FOXP1: variants seen among roughly 807,000 people sequenced by gnomAD.
FOXP1 encodes the protein forkhead box protein P1.
FOXP1 carries 15 observed loss-of-function variants against 98.2 expected under a neutral mutation model. That is an observed-to-expected ratio of 0.15 (90% CI 0.10 to 0.24). The LOEUF (loss-of-function observed/expected upper bound fraction) is 0.24. FOXP1 is among the 10% of genes least tolerant of loss of function. The pLI is 1.00. For missense variants in FOXP1, 633 were observed against 848.5 expected, an observed-to-expected ratio of 0.75 and a Z score of 3.15; for synonymous variants, 371 against 314.5, an observed-to-expected ratio of 1.18 and a Z score of -1.90.
chr3:71,201,170 A>G (rs2063649058), intron 5 of FOXP1, among the ~76,000 whole-genome samples: 1 of 152,252 alleles, frequency 6.6e-6, no homozygotes, highest in African/African-American at 2.4e-5. Context: ...CTGTCCACAG[A>G]GTAAAGCGTC....
chr3:71,394,660 A>G (rs2081253406), intron 3 of FOXP1, among the ~76,000 whole-genome samples: 1 of 152,188 alleles, frequency 6.6e-6, no homozygotes, highest in African/African-American at 2.4e-5. Context: ...CCATTTCATC[A>G]TTATACCGAC....
At chr3:71,537,170 C>T (rs1227554988) in intron 2 of FOXP1, among the ~76,000 whole-genome samples, 3 of 152,198 alleles carry the variant, frequency 2.0e-5, no homozygotes, top group African/African-American at 7.2e-5. Flanking sequence ...CTTGTCACTG[C>T]AGACGGTTGA....
chr3:71,508,563 C>T (rs2041988473), intron 2 of FOXP1, among the ~76,000 whole-genome samples: 1 of 152,148 alleles, frequency 6.6e-6, no homozygotes, highest in South Asian at 2.1e-4. Flanking sequence ...GATCAGGGCT[C>T]ACAGATCCTG....
chr3:71,100,234 T>A (rs1283705550), intron 7 of FOXP1, among the ~76,000 whole-genome samples: 1 of 152,224 alleles, frequency 6.6e-6, no homozygotes, highest in Non-Finnish European at 1.5e-5. Context: ...TAGAGCCACT[T>A]CATATCCTCA....
chr3:71,546,276 C>T (rs966736186), intron 2 of FOXP1, among the ~76,000 whole-genome samples: 2 of 152,116 alleles, frequency 1.3e-5, no homozygotes, highest in Non-Finnish European at 1.5e-5. Context: ...AGCAGCAGGG[C>T]CAAGCAGCCA....
At chr3:71,504,124 C>T (rs1295303263) in intron 2 of FOXP1, among the ~76,000 whole-genome samples, 1 of 152,088 alleles carries the variant, frequency 6.6e-6, no homozygotes. Flanking sequence ...AAAATGAAGG[C>T]ATTTGAATCC....
At chr3:71,290,655 T>G (rs1045657496) in intron 5 of FOXP1, among the ~76,000 whole-genome samples, 1 of 152,188 alleles carries the variant, frequency 6.6e-6, no homozygotes, top group Non-Finnish European at 1.5e-5. Context: ...AATGCCCTAC[T>G]CAGTCTGGCC....
chr3:71,561,061 T>C (rs2046495050), intron 2 of FOXP1, among the ~76,000 whole-genome samples: 1 of 152,026 alleles, frequency 6.6e-6, no homozygotes, highest in Admixed American at 6.6e-5. Flanking sequence ...TACTTTTTTG[T>C]TTGTTTGTCT....
intron 3 of FOXP1, chr3:71,360,725 G>A (rs1052758294): frequency 2.0e-5 from 3 of 152,064 alleles, no homozygotes; most frequent in Non-Finnish European, 2.9e-5. Context: ...TTCAAGGCAC[G>A]TACATGTACG....
intron 2 of FOXP1, among the ~76,000 whole-genome samples, chr3:71,539,048 C>T (rs1467483878): frequency 2.0e-5 from 3 of 151,142 alleles, no homozygotes; most frequent in Non-Finnish European, 3.0e-5. Flanking sequence ...TACTTATTCT[C>T]GTACCATACT....
chr3:71,325,254 T>C (rs750594894), intron 4 of FOXP1, among the ~76,000 whole-genome samples: 4 of 152,114 alleles, frequency 2.6e-5, no homozygotes, highest in Non-Finnish European at 4.4e-5. Context: ...GGTTTCACCA[T>C]GTTGGCCAGG....
intron 5 of FOXP1, among the ~76,000 whole-genome samples, chr3:71,262,753 T>C (rs1023551690): frequency 6.6e-6 from 1 of 152,230 alleles, no homozygotes; most frequent in African/African-American, 2.4e-5. Context: ...AATTTGAGGC[T>C]TGACTTTTTG....
At chr3:71,444,527 C>T (rs770834060) in intron 3 of FOXP1, among the ~76,000 whole-genome samples, 2 of 152,138 alleles carry the variant, frequency 1.3e-5, no homozygotes, top group South Asian at 2.1e-4. Flanking sequence ...TGGCTCCAAT[C>T]GCCTTTCAAG....
chr3:71,554,925 G>A (rs1276934235), intron 2 of FOXP1, among the ~76,000 whole-genome samples: 2 of 152,120 alleles, frequency 1.3e-5, no homozygotes, highest in Admixed American at 1.3e-4. Flanking sequence ...AGAGTAGATA[G>A]TAAATGTCAA....
chr3:70,983,479 C>T (rs1055081589), intron 14 of FOXP1, among the ~76,000 whole-genome samples: 6 of 152,188 alleles, frequency 3.9e-5, no homozygotes, highest in African/African-American at 1.4e-4. Flanking sequence ...GAGCTAAAAA[C>T]TCTTTCAAAA....
At chr3:71,533,047 TTACCA>T (rs1394839796) in intron 2 of FOXP1, among the ~76,000 whole-genome samples, 5 of 152,330 alleles carry the variant, frequency 3.3e-5, no homozygotes, top group Admixed American at 6.5e-5. Context: ...GAAGGTAAAG[TTACCA>T]TACAAGTTTT....
intron 6 of FOXP1, among the ~76,000 whole-genome samples, chr3:71,172,829 T>C: frequency 6.6e-6 from 1 of 152,208 alleles, no homozygotes; most frequent in East Asian, 1.9e-4. Flanking sequence ...CCCACTGATT[T>C]GTGAGGTACC....
chr3:71,567,115 G>C (rs1371692361), intron 2 of FOXP1, among the ~76,000 whole-genome samples: 1 of 152,138 alleles, frequency 6.6e-6, no homozygotes, highest in Admixed American at 6.5e-5. Context: ...AAAAAGCACA[G>C]GAGATAAGAT....
intron 2 of FOXP1, among the ~76,000 whole-genome samples, chr3:71,534,921 A>G (rs2044165460): frequency 6.6e-6 from 1 of 152,230 alleles, no homozygotes; most frequent in South Asian, 2.1e-4. Context: ...TGAGGGACAC[A>G]TACGTGGCCA....
Sources: allele counts gnomAD v4.1 joint callset (sites outside exome capture counted in the v4.1 genomes callset), GRCh38; gene constraint gnomAD v4.1.1; transcripts MANE v1.5; gene names NCBI Gene and HGNC (gene_info 2026-07-23, HGNC 2026-07-21).